The following SNTG1 variants were observed in gnomAD, a reference collection of about 807,000 sequenced individuals.
SNTG1 encodes the protein syntrophin gamma 1, also known as gamma-1-syntrophin.
SNTG1 carries 39 observed loss-of-function variants against 74.7 expected under a neutral mutation model. The observed-to-expected ratio is 0.52, with a 90% CI of 0.40 to 0.68. The LOEUF (loss-of-function observed/expected upper bound fraction) is 0.68. Ranked by LOEUF, SNTG1 falls within the 30% of genes least tolerant of loss-of-function variation. SNTG1 has a pLI of 0.00. For synonymous variants in SNTG1, 254 were observed against 217.1 expected, an observed-to-expected ratio of 1.17 and a Z score of -1.49; for missense variants, 685 against 609.5, an observed-to-expected ratio of 1.12 and a Z score of -1.30.
chr8:50,087,346 C>G (rs370020261), intron 1 of SNTG1, among the ~76,000 whole-genome samples: 1 of 152,168 alleles, frequency 6.6e-6, no homozygotes, highest in East Asian at 1.9e-4. Flanking sequence ...GCTTTGGTAT[C>G]TCAAATAGAG....
At chr8:50,612,943 G>T (rs982241322) in intron 13 of SNTG1, among the ~76,000 whole-genome samples, 3 of 151,992 alleles carry the variant, frequency 2.0e-5, no homozygotes, top group Admixed American at 6.6e-5. Flanking sequence ...GGTGGTTAAA[G>T]AAATCGGTAA....
At chr8:50,020,938 G>A (rs1227471159) in intron 1 of SNTG1, among the ~76,000 whole-genome samples, 1 of 151,924 alleles carries the variant, frequency 6.6e-6, no homozygotes, top group Non-Finnish European at 1.5e-5. Context: ...TTTAGATATG[G>A]GCAATCTAGA....
At chr8:50,135,061 C>T (rs370618806) in intron 1 of SNTG1, among the ~76,000 whole-genome samples, 19 of 152,258 alleles carry the variant, frequency 1.2e-4, no homozygotes, top group South Asian at 6.2e-4. Context: ...TGGAAATGAA[C>T]ATCTCTGTGA....
intron 17 of SNTG1, among the ~76,000 whole-genome samples, chr8:50,716,900 T>TA (rs1048719365): frequency 2.8e-5 from 4 of 141,764 alleles, no homozygotes; most frequent in East Asian, 2.0e-4. Flanking sequence ...GCCCGGCTAA[T>TA]TTTTTTTTTG....
intron 15 of SNTG1, among the ~76,000 whole-genome samples, chr8:50,689,877 C>G (rs1488249931): frequency 6.6e-6 from 1 of 152,136 alleles, no homozygotes; most frequent in Admixed American, 6.5e-5. Flanking sequence ...CCATTTGGTC[C>G]TGGACATTTT....
intron 1 of SNTG1, among the ~76,000 whole-genome samples, chr8:50,013,464 GAGAT>G (rs56718258): frequency 0.35 from 52,280 of 148,264 alleles, 9,248 homozygotes; most frequent in Admixed American, 0.41. Flanking sequence ...TGGGGATAGA[GAGAT>G]AGATAGATAG....
intron 15 of SNTG1, among the ~76,000 whole-genome samples, chr8:50,701,843 T>C (rs927166978): frequency 7.0e-6 from 1 of 143,296 alleles, no homozygotes; most frequent in Non-Finnish European, 1.5e-5. Context: ...TCCTCCTCCT[T>C]CTCCCTCTTC....
intron 4 of SNTG1, among the ~76,000 whole-genome samples, chr8:50,414,928 G>T (rs2092996180): frequency 6.6e-6 from 1 of 152,108 alleles, no homozygotes. Flanking sequence ...GTTCACTGTG[G>T]CAAAATTAAA....
intron 18 of SNTG1, among the ~76,000 whole-genome samples, chr8:50,774,994 A>G (rs1016510745): frequency 1.3e-5 from 2 of 150,720 alleles, no homozygotes; most frequent in Admixed American, 1.3e-4. Flanking sequence ...TATAATTTAT[A>G]TAAAAGTGTA....
intron 15 of SNTG1, among the ~76,000 whole-genome samples, chr8:50,695,171 T>C (rs2095399525): frequency 6.6e-6 from 1 of 151,436 alleles, no homozygotes; most frequent in Admixed American, 6.6e-5. Context: ...GATATGATCT[T>C]ATATGTAAAA....
intron 2 of SNTG1, among the ~76,000 whole-genome samples, chr8:50,292,465 TA>T (rs1261279941): frequency 6.6e-6 from 1 of 152,094 alleles, no homozygotes; most frequent in Non-Finnish European, 1.5e-5. Context: ...TTATTTTTTT[TA>T]AATCTCTCTG....
At chr8:50,215,298 G>C (rs1324756735) in intron 2 of SNTG1, among the ~76,000 whole-genome samples, 1 of 151,316 alleles carries the variant, frequency 6.6e-6, no homozygotes, top group Non-Finnish European at 1.5e-5. Flanking sequence ...GGGAAAAGTT[G>C]TATGAGGAAG....
At chr8:50,752,445 T>C (rs1463863866) in intron 18 of SNTG1, among the ~76,000 whole-genome samples, 2 of 151,958 alleles carry the variant, frequency 1.3e-5, no homozygotes, top group East Asian at 3.9e-4. Flanking sequence ...AAATACTTTG[T>C]AAAAATCTGA....
chr8:50,167,121 G>T (rs1214341759), intron 1 of SNTG1, among the ~76,000 whole-genome samples: 1 of 116,510 alleles, frequency 8.6e-6, no homozygotes, highest in Non-Finnish European at 1.7e-5. Context: ...GGGGACTGTG[G>T]TGGGGTCGGG....
chr8:50,173,112 A>G (rs1473738327), intron 2 of SNTG1, among the ~76,000 whole-genome samples: 1 of 150,456 alleles, frequency 6.6e-6, no homozygotes, highest in Non-Finnish European at 1.5e-5. Flanking sequence ...GGGTGACTAT[A>G]AACTGTCACG....
chr8:50,255,220 G>C (rs1322843647), intron 2 of SNTG1, among the ~76,000 whole-genome samples: 2 of 152,024 alleles, frequency 1.3e-5, no homozygotes, highest in Admixed American at 6.6e-5. Context: ...TATAATGTCA[G>C]ACTTTTAGAA....
At chr8:50,774,426 G>C (rs1192341466) in intron 18 of SNTG1, among the ~76,000 whole-genome samples, 2 of 151,788 alleles carry the variant, frequency 1.3e-5, no homozygotes, top group Non-Finnish European at 3.0e-5. Flanking sequence ...GTAAACTGTG[G>C]AAGTTAGAAG....
In SNTG1 at chr8:50,259,523, AGAAAGAAAGAAAGAAAG is replaced by A. The variant is rs1563810420; in HGVS notation, c.-28+86889_-28+86905del. Among the ~76,000 whole-genome samples the A allele has an allele frequency of 9.3e-4, 11 of 11,888 alleles. 1 individual carries two copies. The highest frequency in any genetic ancestry group is 2.2e-3 in the Admixed American group (1 of 448). The allele number at this position is 11,888 out of a possible 152,430, so 7.8% of individuals were successfully genotyped here. A position where few individuals can be genotyped will look rare whatever the true frequency, so the allele number is the denominator to read the frequency against. On this transcript the variant is annotated intron_variant, in intron 2 of 18. Transcript: ENST00000642720. ...CAAAAAAAAAAAAAGAAAGAAAGAA[AGAAAGAAAGAAAGAAAG>A]AAAGAAAGAAAGAAAGAAAGAAAGA...
intron 15 of SNTG1, among the ~76,000 whole-genome samples, chr8:50,695,252 AAG>A (rs1054103191): frequency 3.3e-5 from 5 of 151,936 alleles, no homozygotes; most frequent in African/African-American, 1.2e-4. Flanking sequence ...AAATTTAGGA[AAG>A]TTACAGGATA....
Sources: allele counts gnomAD v4.1 joint callset (sites outside exome capture counted in the v4.1 genomes callset), GRCh38; gene constraint gnomAD v4.1.1; transcripts MANE v1.5; gene names NCBI Gene and HGNC (gene_info 2026-07-23, HGNC 2026-07-21).